The following PRDM11 variants were observed in gnomAD, a reference collection of about 807,000 sequenced individuals.
PRDM11 encodes PR/SET domain 11.
Under a neutral mutation model 97.8 loss-of-function variants are expected in PRDM11, and 20 were observed. The observed-to-expected ratio is 0.20, with a 90% confidence interval of 0.14 to 0.30. The LOEUF is 0.30. Ranked by LOEUF, PRDM11 falls within the 10% of genes least tolerant of loss-of-function variation. The probability of loss-of-function intolerance (pLI) is 1.00; values close to 1 mark genes in which losing one functional copy is unlikely to be tolerated. For synonymous variants in PRDM11, 599 were observed against 637.7 expected (o/e 0.94, Z 0.91); for missense variants, 1,139 against 1,555.2 (o/e 0.73, Z 4.50).
chr11:45,095,697 C>A, upstream of PRDM11: 1 of 659,802 alleles, frequency 1.5e-6, no homozygotes, highest in Non-Finnish European at 2.8e-6. Context: ...TGGGGAAAGG[C>A]ATTCTCTTTT....
At chr11:45,182,139 C>T in intron 2 of PRDM11, 107 bp from the exon 3 acceptor site, 1 of 974,030 alleles carries the variant, frequency 1.0e-6, no homozygotes, top group Non-Finnish European at 1.6e-6. Context: ...CCTCTGCCCA[C>T]CCCACATCTT....
At position 45,232,131 on chromosome 11, in the gene PRDM11, T is replaced by C. The variant is rs776331433; in HGVS notation, c.*3972T>C. 9.9e-5 allele frequency: 15 copies of C among 152,174 alleles called. No individual in the cohort carries two copies. The highest frequency in any genetic ancestry group is 1.6e-4 in the Non-Finnish European group (11 of 68,028). 9.4% of individuals were successfully genotyped at this position (152,174 alleles called of 1,614,324 possible). A position where few individuals can be genotyped will look rare whatever the true frequency, so the allele number is the denominator to read the frequency against. On this transcript the variant is annotated 3_prime_UTR_variant, in exon 8 of 8. Coordinates refer to ENST00000683152, the MANE Select transcript of PRDM11 (RefSeq NM_001384648.1). ...AGTACCTTGTAATTACTTAAGGTAA[T>C]GTTTAAATGTTTTCCATTCATTTGG...
intron 1 of PRDM11, among the ~76,000 whole-genome samples, chr11:45,131,328 G>T (rs923622245): frequency 8.5e-5 from 13 of 152,168 alleles, no homozygotes; most frequent in African/African-American, 3.1e-4. Context: ...AGGGTTTTCA[G>T]GTTGTGAGAA....
At chr11:45,098,737 G>C (rs1358977803) in intron 1 of PRDM11, among the ~76,000 whole-genome samples, 1 of 152,174 alleles carries the variant, frequency 6.6e-6, no homozygotes, top group Non-Finnish European at 1.5e-5. Flanking sequence ...TCCCAGGTGA[G>C]GAAGTTGGGG....
chr11:45,222,784 G>A lies in PRDM11; in HGVS notation c.743-1433G>A, dbSNP rs754142113. Reference sequence around the variant, plus strand: ...GCAAACCCTTGGCCTTCAATCAGAAGTCTTTTGCAAATGGAGCCATCAGAA... The same window carrying A: ...GCAAACCCTTGGCCTTCAATCAGAAATCTTTTGCAAATGGAGCCATCAGAA... On this transcript the variant is annotated intron_variant, in intron 6 of 7. Coordinates refer to ENST00000683152, the MANE Select transcript of PRDM11 (RefSeq NM_001384648.1). Among the ~76,000 whole-genome samples, 188 of 152,292 alleles carry A rather than the reference G, an allele frequency of 1.2e-3. 2 individuals carry two copies. Among genetic ancestry groups the A allele is most frequent in the Non-Finnish European group, 6.5e-4 (44 of 68,014 alleles).
chr11:45,142,416 C>A (rs1851425433), upstream of PRDM11, among the ~76,000 whole-genome samples: 1 of 152,182 alleles, frequency 6.6e-6, no homozygotes, highest in Non-Finnish European at 1.5e-5. Context: ...GAGCTGGCTC[C>A]TTTGTATCTA....
At chr11:45,185,754 C>A (rs1478836138) in intron 4 of PRDM11, among the ~76,000 whole-genome samples, 2 of 152,134 alleles carry the variant, frequency 1.3e-5, no homozygotes, top group Non-Finnish European at 2.9e-5. Context: ...ATAATGTCCC[C>A]CCAAAAATGT....
Position 45,131,307 on chromosome 11 carries a change from T to C in PRDM11, c.96+35406T>C, listed in dbSNP as rs187938768. Among the ~76,000 whole-genome samples the C allele has an allele frequency of 2.8e-4, 42 of 152,318 alleles. No individual in the cohort carries two copies. The East Asian group carries it at 7.3e-3, about 27-fold the overall frequency. ...AATGCTCTGTTTCTTGATTTGGGTGTTGGTTATATGAGGGTTTTCAGGTTG... is the reference window on the plus strand; with the variant it reads ...AATGCTCTGTTTCTTGATTTGGGTGCTGGTTATATGAGGGTTTTCAGGTTG... On this transcript the variant is annotated intron_variant, in intron 1 of 6. Coordinates refer to the PRDM11 transcript ENST00000530656.
At position 45,228,284 on chromosome 11, in the gene PRDM11, T is replaced by A. The variant is rs1007608075; in HGVS notation, c.*125T>A. 1.5e-5 allele frequency: 5 copies of A among 327,696 alleles called. No individual in the cohort carries two copies. The highest frequency in any genetic ancestry group is 2.3e-5 in the Non-Finnish European group (5 of 220,300). 20.3% of individuals were successfully genotyped at this position (327,696 alleles called of 1,614,324 possible). On this transcript the variant is annotated 3_prime_UTR_variant, in exon 8 of 8. Coordinates refer to ENST00000683152, the MANE Select transcript of PRDM11 (RefSeq NM_001384648.1). ...ATTATATTATATATATATATATATA[T>A]AAACTCACACTGAAAATTTTTAAAA...
intron 5 of PRDM11, among the ~76,000 whole-genome samples, chr11:45,205,428 C>T (rs1012027886): frequency 1.3e-5 from 2 of 152,026 alleles, no homozygotes; most frequent in Non-Finnish European, 2.9e-5. Flanking sequence ...GTGCCATGTG[C>T]GAGGGACTCT....
Position 45,101,567 on chromosome 11 carries a change from A to AAAAAAGAAGAAGAAGAAG in PRDM11, c.96+5668_96+5669insAAAGAAGAAGAAGAAGAA, listed in dbSNP as rs767802218. ...CAACACTCTGTCTCAAAAAAAAAAA[A>AAAAAAGAAGAAGAAGAAG]AAGAAGAAGAAGAAGAAGAAGAAGA... On this transcript the variant is annotated intron_variant, in intron 1 of 6. Transcript: ENST00000530656. 1.1e-4 allele frequency among the ~76,000 whole-genome samples: 11 copies of AAAAAAGAAGAAGAAGAAG among 96,860 alleles called. 1 individual carries two copies. The highest frequency in any genetic ancestry group is 4.4e-4 in the African/African-American group (9 of 20,546). 63.5% of individuals were successfully genotyped at this position (96,860 alleles called of 152,430 possible).
Position 45,146,842 on chromosome 11 carries a change from C to G in PRDM11, c.-42C>G, listed in dbSNP as rs1432448142. On this transcript the variant is annotated 5_prime_UTR_variant, in exon 1 of 8. Coordinates refer to ENST00000683152, the MANE Select transcript of PRDM11 (RefSeq NM_001384648.1). ...GCCGCCCGCCGGGCCGCTCTCGCCG[C>G]CCGGGCCCCGCGGCTGCCGCAGCAT... 3 of 146,416 alleles carry G rather than the reference C, an allele frequency of 2.0e-5. No individual in the cohort carries two copies. Among genetic ancestry groups the G allele is most frequent in the Non-Finnish European group, 4.6e-5 (3 of 65,782 alleles). 9.1% of individuals were successfully genotyped at this position (146,416 alleles called of 1,614,324 possible).
chr11:45,171,932 ACTAT>A (rs1262289995), intron 1 of PRDM11, among the ~76,000 whole-genome samples: 1 of 142,390 alleles, frequency 7.0e-6, no homozygotes, highest in East Asian at 2.0e-4. Context: ...CAATTCTGTA[ACTAT>A]CTAGAGCTGG....
chr11:45,112,168 C>T (rs113492656), intron 1 of PRDM11, among the ~76,000 whole-genome samples: 3,828 of 152,298 alleles, frequency 0.025, 170 homozygotes, highest in African/African-American at 0.088. Flanking sequence ...CATAGCTTAG[C>T]TCCCACTTAC....
intron 1 of PRDM11, among the ~76,000 whole-genome samples, chr11:45,114,105 G>A (rs1373442964): frequency 6.6e-6 from 1 of 152,024 alleles, no homozygotes; most frequent in Non-Finnish European, 1.5e-5. Context: ...CAGGGGAAGT[G>A]CAATAGAACC....
intron 1 of PRDM11, among the ~76,000 whole-genome samples, chr11:45,174,736 A>G (rs549871982): frequency 4.5e-4 from 68 of 152,326 alleles, no homozygotes; most frequent in African/African-American, 1.5e-3. Flanking sequence ...GAGGTCCTCT[A>G]AAGAATATTT....
At chr11:45,199,018 A>G (rs1853230994) in intron 4 of PRDM11, among the ~76,000 whole-genome samples, 1 of 151,902 alleles carries the variant, frequency 6.6e-6, no homozygotes, top group South Asian at 2.1e-4. Flanking sequence ...AGCACTTGAC[A>G]TAGTGAAGGT....
At chr11:45,213,571 T>C (rs1470182143) in intron 5 of PRDM11, 7 of 456,438 alleles carry the variant, frequency 1.5e-5, no homozygotes, top group Non-Finnish European at 3.1e-5. Flanking sequence ...CGTGCTCAGC[T>C]GCTGTGCTTG....
chr11:45,165,730 A>T (rs971805635), intron 1 of PRDM11, among the ~76,000 whole-genome samples: 1 of 152,218 alleles, frequency 6.6e-6, no homozygotes, highest in Non-Finnish European at 1.5e-5. Flanking sequence ...GTTTCTTCGA[A>T]GTTGGCAAAA....
Sources: gnomAD v4.1 joint callset for allele counts (sites outside exome capture counted in the v4.1 genomes callset) on GRCh38, gnomAD v4.1.1 for gene constraint, MANE v1.5 for transcripts, NCBI Gene and HGNC (gene_info 2026-07-23, HGNC 2026-07-21) for gene names.